Variants in NCOR1 observed in about 807,000 individuals in gnomAD.
NCOR1 encodes the protein nuclear receptor corepressor 1.
Under a neutral mutation model 288.1 loss-of-function variants are expected in NCOR1, and 63 were observed. The ratio of observed to expected loss-of-function variants is 0.22; its 90% CI spans 0.18 to 0.27. NCOR1 has a LOEUF of 0.27. NCOR1 is among the 10% of genes least tolerant of loss of function. The pLI is 1.00. For missense variants in NCOR1, 2,397 were observed against 3,019.2 expected, an observed-to-expected ratio of 0.79 and a Z score of 4.83; for synonymous variants, 1,007 against 1,065.9, an observed-to-expected ratio of 0.94 and a Z score of 1.08.
At chr17:16,176,081 T>G (rs1599944930) in intron 3 of NCOR1, among the ~76,000 whole-genome samples, 1 of 151,844 alleles carries the variant, frequency 6.6e-6, no homozygotes, top group Non-Finnish European at 1.5e-5. Flanking sequence ...TAGCCAGGTA[T>G]GGGGGCACAT....
chr17:16,062,345 A>T, intron 35 of NCOR1, 75 bp from the exon 36 acceptor site: 1 of 1,410,002 alleles, frequency 7.1e-7, no homozygotes, highest in African/African-American at 1.5e-5. Context: ...ATGCTTATGG[A>T]TTGTTTATTT....
intron 42 of NCOR1, among the ~76,000 whole-genome samples, chr17:16,043,683 A>G (rs1396694453): frequency 1.3e-5 from 2 of 152,222 alleles, no homozygotes; most frequent in African/African-American, 4.8e-5. Flanking sequence ...CAGACCACAC[A>G]AAGGTGAAAT....
rs558325645 is a variant in NCOR1, at chr17:16,044,753, A to C, written c.6679+2198T>G. Reference sequence around the variant, plus strand: ...TGTAAATGTTGAACCTTTTTGGTCCAGCTTGTTTGCAATGGCCCTGGCCAA... The same window carrying C: ...TGTAAATGTTGAACCTTTTTGGTCCCGCTTGTTTGCAATGGCCCTGGCCAA... On this transcript the variant is annotated intron_variant, in intron 42 of 45. Coordinates refer to ENST00000268712, the MANE Select transcript of NCOR1 (RefSeq NM_006311.4). The C allele has an allele frequency of 8.5e-6, 7 of 827,838 alleles. No individual in the cohort carries two copies. In the East Asian group the frequency reaches 1.2e-4, roughly 15 times the overall value. 51.3% of individuals were successfully genotyped at this position (827,838 alleles called of 1,614,324 possible).
intron 6 of NCOR1, among the ~76,000 whole-genome samples, chr17:16,156,659 G>T (rs1281067139): frequency 1.3e-5 from 2 of 152,004 alleles, no homozygotes; most frequent in Non-Finnish European, 2.9e-5. Context: ...TTCAGATTTG[G>T]TTTTCTTCAT....
intron 1 of NCOR1, among the ~76,000 whole-genome samples, chr17:16,196,846 G>GA (rs1168442808): frequency 4.8e-4 from 66 of 136,832 alleles, no homozygotes; most frequent in African/African-American, 1.4e-3. Flanking sequence ...AAAAAGAAAA[G>GA]AAAAAAAAAA....
intron 45 of NCOR1, 44 bp downstream of exon 45, chr17:16,034,721 A>G (rs760941915): frequency 2.7e-6 from 4 of 1,499,082 alleles, no homozygotes; most frequent in East Asian, 4.5e-5. Flanking sequence ...AGACATTGAT[A>G]TTATTGCTCT....
intron 1 of NCOR1, among the ~76,000 whole-genome samples, chr17:16,213,892 A>G (rs578228994): frequency 1.3e-5 from 2 of 152,308 alleles, no homozygotes; most frequent in Non-Finnish European, 2.9e-5. Flanking sequence ...AAAAGGAAAG[A>G]GTATTTTAGT....
At chr17:16,168,067 C>A (rs1351009028) in intron 4 of NCOR1, among the ~76,000 whole-genome samples, 1 of 151,616 alleles carries the variant, frequency 6.6e-6, no homozygotes, top group Non-Finnish European at 1.5e-5. Flanking sequence ...AACCAATAAA[C>A]AAATAAAAAA....
chr17:16,049,124 C>G, intron 40 of NCOR1, 136 bp from the exon 41 acceptor site: 1 of 858,308 alleles, frequency 1.2e-6, no homozygotes, highest in South Asian at 2.1e-5. Flanking sequence ...AAAAAGTTGC[C>G]TCAGGTATTC....
intron 18 of NCOR1, among the ~76,000 whole-genome samples, chr17:16,111,515 T>C (rs1390902764): frequency 1.3e-5 from 2 of 151,936 alleles, no homozygotes; most frequent in Non-Finnish European, 2.9e-5. Flanking sequence ...GGCAGGAGTA[T>C]CGCTTGAGCC....
At chr17:16,068,148 G>C (rs1043009096) in intron 31 of NCOR1, 27 bp from the exon 32 acceptor site, 7 of 1,521,696 alleles carry the variant, frequency 4.6e-6, no homozygotes, top group Non-Finnish European at 6.3e-6. Context: ...AATGCCACAA[G>C]TTCTTAAGAA....
At chr17:16,095,221 C>G (rs1485345465) in intron 21 of NCOR1, among the ~76,000 whole-genome samples, 7 of 151,658 alleles carry the variant, frequency 4.6e-5, no homozygotes, top group Admixed American at 3.3e-4. Context: ...CCCGCCGCCC[C>G]GTCTGGGATG....
chr17:16,128,827 C>T (rs2075158481), intron 14 of NCOR1, among the ~76,000 whole-genome samples: 1 of 152,184 alleles, frequency 6.6e-6, no homozygotes, highest in African/African-American at 2.4e-5. Context: ...TATTCACCTC[C>T]CCAAAAGAAG....
intron 28 of NCOR1, among the ~76,000 whole-genome samples, chr17:16,072,743 G>A (rs1383670496): frequency 6.6e-6 from 1 of 152,192 alleles, no homozygotes; most frequent in Non-Finnish European, 1.5e-5. Flanking sequence ...AAAAGTGTGT[G>A]TTTTTAACAT....
chr17:16,193,600 G>A (rs2089090565), intron 2 of NCOR1, among the ~76,000 whole-genome samples: 2 of 152,116 alleles, frequency 1.3e-5, no homozygotes, highest in African/African-American at 2.4e-5. Context: ...TAACACTGGG[G>A]TAGGGGGACA....
chr17:16,145,373 T>C (rs928241573), intron 10 of NCOR1, among the ~76,000 whole-genome samples: 2 of 150,406 alleles, frequency 1.3e-5, no homozygotes, highest in Admixed American at 6.6e-5. Flanking sequence ...GTCTGGGATG[T>C]GGGGAGTGCC....
chr17:16,127,609 A>G (rs544276859), intron 14 of NCOR1, among the ~76,000 whole-genome samples: 4 of 143,590 alleles, frequency 2.8e-5, no homozygotes, highest in Admixed American at 6.9e-5. Flanking sequence ...ATACATACAT[A>G]TGTGTATGTG....
At chr17:16,151,905 C>T (rs572655824) in intron 8 of NCOR1, 41 bp downstream of exon 8, 27 of 1,387,898 alleles carry the variant, frequency 1.9e-5, no homozygotes, top group South Asian at 4.8e-5. Flanking sequence ...ATAGAATATA[C>T]GGTCTTTAAT....
intron 14 of NCOR1, among the ~76,000 whole-genome samples, chr17:16,129,566 T>C (rs567779579): frequency 6.6e-6 from 1 of 152,316 alleles, no homozygotes; most frequent in East Asian, 1.9e-4. Flanking sequence ...TGCTTTATAA[T>C]TGGGCAAGTT....
Sources: allele counts gnomAD v4.1 joint callset (sites outside exome capture counted in the v4.1 genomes callset), GRCh38; gene constraint gnomAD v4.1.1; transcripts MANE v1.5; gene names NCBI Gene and HGNC (gene_info 2026-07-23, HGNC 2026-07-21).